The following DYSF variants were observed in gnomAD, a reference collection of about 807,000 sequenced individuals.
DYSF encodes the protein dysferlin.
A neutral mutation model predicts 274.9 loss-of-function variants in DYSF; 212 were observed. That is an observed-to-expected ratio of 0.77 (90% CI 0.69 to 0.86). The LOEUF is 0.86. Ranked by LOEUF, DYSF falls within the 40% of genes least tolerant of loss-of-function variation. The pLI, the probability that DYSF is intolerant of heterozygous loss-of-function variation, is 0.00. For missense variants in DYSF, 2,666 were observed against 2,783.2 expected (o/e 0.96, Z 0.95); for synonymous variants, 1,091 against 1,078.7 (o/e 1.01, Z -0.22).
upstream of DYSF, among the ~76,000 whole-genome samples, chr2:71,463,263 G>T (rs117284790): frequency 2.0e-5 from 3 of 152,226 alleles, no homozygotes; most frequent in Admixed American, 2.0e-4. Context: ...TGGCTGGGTT[G>T]CAACAGCATG....
chr2:71,521,128 G>A (rs2087222626), intron 12 of DYSF, among the ~76,000 whole-genome samples: 1 of 152,136 alleles, frequency 6.6e-6, no homozygotes, highest in Non-Finnish European at 1.5e-5. Flanking sequence ...CACTCCGAGA[G>A]AGCTATTATT....
chr2:71,545,889 C>T (rs568231696), intron 17 of DYSF, among the ~76,000 whole-genome samples: 21 of 152,252 alleles, frequency 1.4e-4, no homozygotes, highest in African/African-American at 4.8e-4. Context: ...GCTCAGGTCA[C>T]GGGCAACCCA....
intron 52 of DYSF, 111 bp from the exon 53 acceptor site, chr2:71,678,946 A>G: frequency 2.1e-6 from 2 of 942,902 alleles, no homozygotes; most frequent in Admixed American, 1.8e-5. Flanking sequence ...CCATGGATAG[A>G]AGCTGGTGAC....
At chr2:71,602,993 G>T (rs2093582081) in intron 36 of DYSF, among the ~76,000 whole-genome samples, 188 bp downstream of exon 36, 1 of 152,182 alleles carries the variant, frequency 6.6e-6, no homozygotes, top group Non-Finnish European at 1.5e-5. Context: ...TGTCCTGGGG[G>T]TGATCCTGGT....
At chr2:71,537,230 T>TG (rs995768384) in intron 16 of DYSF, among the ~76,000 whole-genome samples, 3 of 142,204 alleles carry the variant, frequency 2.1e-5, no homozygotes, top group African/African-American at 5.3e-5. Flanking sequence ...TTTGTTTTTT[T>TG]TTTTTTTTTT....
rs766341386 is a variant in DYSF at position 71,590,280 on chromosome 2, C to CT, written c.3571dup (p.Ser1191PhefsTer2). On this transcript the variant is annotated frameshift_variant, in exon 32 of 56. Transcript: ENST00000410020. LOFTEE classifies it high-confidence loss of function. ...GACCTGGCTGCGATGGACAAGGACT[C>CT]TTTTTCTGGTAGGTGGGAGAGAGGC... The CT allele has an allele frequency of 3.2e-5, 51 of 1,614,062 alleles. No individual in the cohort carries two copies. The highest frequency in any genetic ancestry group is 4.1e-5 in the Non-Finnish European group (48 of 1,180,020).
chr2:71,677,050 G>A (rs1573160077), intron 52 of DYSF, among the ~76,000 whole-genome samples: 1 of 152,260 alleles, frequency 6.6e-6, no homozygotes, highest in African/African-American at 2.4e-5. Flanking sequence ...AAATATATGG[G>A]TGGGTGGAGC....
chr2:71,685,250 G>A (rs939035386), intron 55 of DYSF, among the ~76,000 whole-genome samples: 5 of 152,194 alleles, frequency 3.3e-5, no homozygotes, highest in African/African-American at 1.2e-4. Flanking sequence ...CCCCAGCAGC[G>A]GGCCACTCTC....
intron 1 of DYSF, among the ~76,000 whole-genome samples, chr2:71,459,321 C>T (rs2081191611): frequency 6.6e-6 from 1 of 152,144 alleles, no homozygotes; most frequent in South Asian, 2.1e-4. Context: ...GGAGAACTGG[C>T]CCAACTCCAG....
rs143355224 is a variant in DYSF at position 71,528,350 on chromosome 2, C to A, written c.1329C>A (p.Asn443Lys). 88 of 1,614,070 alleles carry A rather than the reference C, an allele frequency of 5.5e-5. No homozygotes were observed. Among genetic ancestry groups the A allele is most frequent in the Non-Finnish European group, 6.9e-5 (82 of 1,180,048 alleles). ...AACAGATCTTTGGCTTCGAGAGTAA[C>A]AAGAAGAACTTGGTGGACCCCTTTG... ...NVKQIFGFES[N>K]KKNLVDPFVE... The change falls in exon 14 of 56, where the codon AAC (asparagine) becomes AAA (lysine). Residue 443 changes from asparagine to lysine, a missense_variant. By Grantham distance (94) the Asn-to-Lys change is moderately conservative. Transcript: ENST00000410020.
At chr2:71,614,216 C>G (rs989389986) in intron 40 of DYSF, among the ~76,000 whole-genome samples, 1 of 152,180 alleles carries the variant, frequency 6.6e-6, no homozygotes, top group African/African-American at 2.4e-5. Flanking sequence ...TTGAACTCAC[C>G]ATCTGTTCCA....
chr2:71,598,532 C>A, intron 32 of DYSF, 32 bp from the exon 33 acceptor site: 1 of 1,613,556 alleles, frequency 6.2e-7, no homozygotes, highest in African/African-American at 1.3e-5. Context: ...CTGCTGTGTC[C>A]TGTCTCCCCT....
At chr2:71,572,233 GCACAGATCACACCTAGCACACC>G (rs201953952) in intron 29 of DYSF, among the ~76,000 whole-genome samples, 985 of 20,174 alleles carry the variant, frequency 0.049, 16 homozygotes, top group East Asian at 0.067. Flanking sequence ...CCCAGCACAT[GCACAGATCACACCTAGCACACC>G]CACAGATCAC....
Position 71,535,283 on chromosome 2 carries a change from G to A in DYSF, c.1465G>A (p.Glu489Lys), listed in dbSNP as rs61740288. The A allele has an allele frequency of 0.02, 32,136 of 1,613,910 alleles. 402 individuals are homozygous for A. The highest frequency in any genetic ancestry group is 0.023 in the Non-Finnish European group (26,681 of 1,179,880). Residue 489 changes from glutamate to lysine, a missense_variant, in exon 16 of 56, where the codon GAA becomes AAA. This residue lies in a region of DYSF where 794 missense variants were observed against 777.1 expected (regional missense o/e 1.02). Transcript: ENST00000410020. ...CCTTCCTCAGTTTCCCTCCATGTGC[G>A]AAAAAATGAGGATTCGTATCATAGA... ...TLPAMFPSMC[E>K]KMRIRIIDWD...
At chr2:71,537,230 T>TTTTG (rs2089455463) in intron 16 of DYSF, among the ~76,000 whole-genome samples, 2 of 142,204 alleles carry the variant, frequency 1.4e-5, no homozygotes, top group Admixed American at 7.0e-5. Context: ...TTTGTTTTTT[T>TTTTG]TTTTTTTTTT....
At chr2:71,514,099 T>C (rs2086396876) in intron 7 of DYSF, among the ~76,000 whole-genome samples, 178 bp downstream of exon 7, 1 of 145,682 alleles carries the variant, frequency 6.9e-6, no homozygotes, top group Non-Finnish European at 1.5e-5. Context: ...GGAGTTCACA[T>C]CTTACATCCA....
intron 3 of DYSF, among the ~76,000 whole-genome samples, chr2:71,501,350 A>G (rs984441753): frequency 1.3e-5 from 2 of 152,204 alleles, no homozygotes; most frequent in African/African-American, 4.8e-5. Context: ...AGAAGGATGG[A>G]AAAAGAGGGA....
rs1294173318 is a variant in DYSF at position 71,602,911 on chromosome 2, G to A, written c.3957+106G>A. The A allele has an allele frequency of 8.6e-6, 12 of 1,388,812 alleles. No homozygotes were observed. In the African/African-American group the frequency reaches 1.7e-4, roughly 19 times the overall value. The allele number at this position is 1,388,812 out of a possible 1,614,324, so 86.0% of individuals were successfully genotyped here. A position where few individuals can be genotyped will look rare whatever the true frequency, so the allele number is the denominator to read the frequency against. On this transcript the variant is annotated intron_variant, in intron 36 of 55. Coordinates refer to ENST00000410020, the MANE Select transcript of DYSF (RefSeq NM_001130987.2). Reference sequence around the variant, plus strand: ...CTTCCAGGTTCCTGGTGCCCAGCAGGCATCTGTCACATGGAGACCTGTCTG... The same window carrying A: ...CTTCCAGGTTCCTGGTGCCCAGCAGACATCTGTCACATGGAGACCTGTCTG...
intron 42 of DYSF, among the ~76,000 whole-genome samples, chr2:71,653,899 A>T (rs1172993862): frequency 6.6e-6 from 1 of 152,002 alleles, no homozygotes; most frequent in Non-Finnish European, 1.5e-5. Context: ...AATCAAACGT[A>T]ACCATAAATA....
Sources: gnomAD v4.1 joint callset for allele counts (sites outside exome capture counted in the v4.1 genomes callset) on GRCh38, gnomAD v4.1.1 for gene constraint, gnomAD v4.1.1 regional missense constraint, MANE v1.5 for transcripts, NCBI Gene and HGNC (gene_info 2026-07-23, HGNC 2026-07-21) for gene names.